Variants in RBFOX1 observed in about 807,000 individuals in gnomAD.
The protein encoded by RBFOX1 is RNA binding protein fox-1 homolog 1.
Under a neutral mutation model 57.7 loss-of-function variants are expected in RBFOX1, and 8 were observed. The observed-to-expected ratio is 0.14, with a 90% CI of 0.08 to 0.25. RBFOX1 has a LOEUF of 0.25. RBFOX1 is among the 10% of genes least tolerant of loss of function. The probability of loss-of-function intolerance (pLI) is 1.00; values close to 1 mark genes in which losing one functional copy is unlikely to be tolerated. For missense variants in RBFOX1, 611 were observed against 548.5 expected (o/e 1.11, Z -1.14); for synonymous variants, 326 against 222.4 (o/e 1.47, Z -4.15).
At chr16:7,209,474 G>C (rs1055300741) in intron 4 of RBFOX1, among the ~76,000 whole-genome samples, 1 of 152,080 alleles carries the variant, frequency 6.6e-6, no homozygotes, top group Non-Finnish European at 1.5e-5. Context: ...ATAACCTCAA[G>C]GCCTTTGCAC....
chr16:5,361,211 A>T (rs937025944), intron 1 of RBFOX1, among the ~76,000 whole-genome samples: 6 of 152,174 alleles, frequency 3.9e-5, no homozygotes, highest in Admixed American at 3.9e-4. Context: ...TAATGGTGAT[A>T]TGGTTCTGTC....
At chr16:5,289,308 C>T (rs2063478053) in intron 1 of RBFOX1, 2 of 411,422 alleles carry the variant, frequency 4.9e-6, no homozygotes, top group Non-Finnish European at 9.3e-6. Flanking sequence ...CCATGGTCAG[C>T]CTCATTCCAG....
chr16:6,516,867 T>C (rs2096389717), intron 2 of RBFOX1, among the ~76,000 whole-genome samples: 1 of 152,156 alleles, frequency 6.6e-6, no homozygotes, highest in South Asian at 2.1e-4. Context: ...TGGGGTATTA[T>C]GGGAATGTTG....
chr16:6,937,115 G>A (rs1336672684), intron 3 of RBFOX1, among the ~76,000 whole-genome samples: 1 of 152,020 alleles, frequency 6.6e-6, no homozygotes, highest in East Asian at 1.9e-4. Flanking sequence ...AATAAAAAAA[G>A]ATCCATCAGC....
chr16:6,298,307 T>C (rs780803569), intron 1 of RBFOX1, among the ~76,000 whole-genome samples: 2 of 152,196 alleles, frequency 1.3e-5, no homozygotes, highest in Non-Finnish European at 2.9e-5. Context: ...GGGTGCTCCA[T>C]AGACACCCTG....
chr16:6,967,654 T>G (rs1285063665), intron 3 of RBFOX1, among the ~76,000 whole-genome samples: 2 of 152,050 alleles, frequency 1.3e-5, no homozygotes, highest in East Asian at 3.9e-4. Context: ...GTGTGTTCAG[T>G]AATTATATTG....
At chr16:5,333,652 G>C (rs1203802950) in intron 1 of RBFOX1, among the ~76,000 whole-genome samples, 3 of 152,172 alleles carry the variant, frequency 2.0e-5, no homozygotes, top group Admixed American at 6.5e-5. Flanking sequence ...TCTGAGAATT[G>C]TATAGTTGGT....
intron 3 of RBFOX1, among the ~76,000 whole-genome samples, chr16:5,720,959 C>T (rs2051908731): frequency 6.6e-6 from 1 of 152,164 alleles, no homozygotes; most frequent in South Asian, 2.1e-4. Context: ...TTGTCAATTT[C>T]AGCCGAAATG....
At chr16:5,564,610 GC>G (rs1239109054) in intron 2 of RBFOX1, among the ~76,000 whole-genome samples, 1 of 152,144 alleles carries the variant, frequency 6.6e-6, no homozygotes, top group African/African-American at 2.4e-5. Flanking sequence ...TGGAGCTGTA[GC>G]ATCTCTTTTT....
At chr16:6,458,514 C>G (rs920521173) in intron 2 of RBFOX1, among the ~76,000 whole-genome samples, 5 of 152,190 alleles carry the variant, frequency 3.3e-5, no homozygotes, top group Non-Finnish European at 5.9e-5. Context: ...TTATTATTCT[C>G]ACATCTTCAT....
At chr16:5,927,540 G>GT (rs1343003612) in intron 4 of RBFOX1, among the ~76,000 whole-genome samples, 1 of 152,136 alleles carries the variant, frequency 6.6e-6, no homozygotes, top group Non-Finnish European at 1.5e-5. Flanking sequence ...CAATATGGAG[G>GT]TTCCCCCCAA....
chr16:7,050,030 T>C (rs558904068), intron 3 of RBFOX1, among the ~76,000 whole-genome samples: 76 of 152,298 alleles, frequency 5.0e-4, no homozygotes, highest in Non-Finnish European at 8.2e-4. Flanking sequence ...AACCCAGTCC[T>C]CTGGCAACAT....
chr16:5,245,413 T>A (rs2062272972), intron 1 of RBFOX1, among the ~76,000 whole-genome samples: 1 of 152,158 alleles, frequency 6.6e-6, no homozygotes, highest in Non-Finnish European at 1.5e-5. Context: ...GGCTGGAGAC[T>A]CGGGCTTGGG....
At chr16:6,824,712 C>G (rs1265149573) in intron 3 of RBFOX1, among the ~76,000 whole-genome samples, 1 of 152,056 alleles carries the variant, frequency 6.6e-6, no homozygotes. Flanking sequence ...TATATACTCT[C>G]TGTTTTACTT....
intron 5 of RBFOX1, among the ~76,000 whole-genome samples, chr16:7,567,850 T>C (rs1250819387): frequency 7.0e-6 from 1 of 143,302 alleles, no homozygotes; most frequent in Non-Finnish European, 1.5e-5. Context: ...TATACCTATA[T>C]ATATCCATAT....
chr16:5,669,383 C>T (rs1223357537), intron 3 of RBFOX1, among the ~76,000 whole-genome samples: 1 of 149,792 alleles, frequency 6.7e-6, no homozygotes, highest in Non-Finnish European at 1.5e-5. Flanking sequence ...GAAACCCACC[C>T]GTAGAGCAGT....
chr16:5,555,770 C>G (rs952155588), intron 2 of RBFOX1, among the ~76,000 whole-genome samples: 6 of 151,868 alleles, frequency 4.0e-5, no homozygotes, highest in African/African-American at 1.4e-4. Context: ...GCCTGTAATC[C>G]CAGCACTTTG....
intron 11 of RBFOX1, among the ~76,000 whole-genome samples, chr16:7,643,255 C>G (rs2063150299): frequency 6.6e-6 from 1 of 152,150 alleles, no homozygotes; most frequent in South Asian, 2.1e-4. Flanking sequence ...GGAACTTTCT[C>G]CTTTGGGAAC....
At chr16:6,830,550 G>A (rs1226407550) in intron 3 of RBFOX1, among the ~76,000 whole-genome samples, 1 of 152,134 alleles carries the variant, frequency 6.6e-6, no homozygotes, top group Admixed American at 6.5e-5. Flanking sequence ...ATATCTGGAG[G>A]CATTCTGGTT....
Sources: allele counts gnomAD v4.1 joint callset (sites outside exome capture counted in the v4.1 genomes callset), GRCh38; gene constraint gnomAD v4.1.1; transcripts MANE v1.5; gene names NCBI Gene and HGNC (gene_info 2026-07-23, HGNC 2026-07-21).